Variants in ZNF786 observed in about 807,000 individuals in gnomAD.
ZNF786 encodes the protein zinc finger protein 786.
A neutral mutation model predicts 63.1 loss-of-function variants in ZNF786; 56 were observed. That is an observed-to-expected ratio of 0.89 (90% CI 0.72 to 1.11). ZNF786 has a LOEUF of 1.11. Among genes scored for constraint, ZNF786 ranks in the 50% least tolerant of loss-of-function variants. The probability of loss-of-function intolerance (pLI) is 0.00; values close to 1 mark genes in which losing one functional copy is unlikely to be tolerated. For missense variants in ZNF786, 1,213 were observed against 1,041.8 expected (o/e 1.16, Z -2.26); for synonymous variants, 485 against 406.9 (o/e 1.19, Z -2.31).
chr7:149,075,655 G>GTTTTTTTTTTTTTTTT (rs1165713050), intron 2 of ZNF786, among the ~76,000 whole-genome samples: 1 of 69,454 alleles, frequency 1.4e-5, no homozygotes, highest in African/African-American at 5.9e-5. Context: ...CACACTTCAG[G>GTTTTTTTTTTTTTTTT]TTTTTTTTTT....
At chr7:149,080,545 C>T (rs755265617) in intron 2 of ZNF786, 46 bp downstream of exon 2, 2 of 1,494,934 alleles carry the variant, frequency 1.3e-6, no homozygotes, top group Admixed American at 2.5e-5. Context: ...TGACCCCTTA[C>T]AGGATCCAGT....
At chr7:149,079,005 G>A (rs763082230) in intron 2 of ZNF786, among the ~76,000 whole-genome samples, 3 of 152,164 alleles carry the variant, frequency 2.0e-5, no homozygotes, top group South Asian at 2.1e-4. Context: ...GTCTAAACTC[G>A]ATAAATCAAG....
At chr7:149,075,034 G>A (rs1825520010) in intron 2 of ZNF786, among the ~76,000 whole-genome samples, 1 of 151,872 alleles carries the variant, frequency 6.6e-6, no homozygotes. Context: ...TCACCGTGTT[G>A]CCCAGGCTGG....
intron 2 of ZNF786, among the ~76,000 whole-genome samples, chr7:149,078,685 A>C (rs1160877119): frequency 2.1e-5 from 3 of 145,432 alleles, no homozygotes; most frequent in Non-Finnish European, 4.6e-5. Context: ...ACTCCGTCTC[A>C]AAAAAAAAAA....
In ZNF786 at chr7:149,070,672, C is replaced by T. The variant is rs1825386135; in HGVS notation, c.2100G>A (p.Gly700=). ...QLLSHQGLHT[G]ERPFHCPECD... is the part of the protein sequence containing the mutation. ...ACTCAGGGCAGTGAAAAGGCCTCTC[C>T]CCTGTGTGCAGGCCCTGATGGCTGA... is the stretch of plus-strand genomic sequence containing the variant. Residue 700 remains glycine (G), a synonymous_variant, in exon 4 of 4, where the codon GGG becomes GGA. Coordinates refer to ENST00000491431, the MANE Select transcript of ZNF786 (RefSeq NM_152411.4). The T allele has an allele frequency of 6.2e-7, 1 of 1,613,822 alleles. No individual in the cohort carries two copies. The highest frequency in any genetic ancestry group is 1.3e-5 in the African/African-American group (1 of 74,946).
Position 149,070,878 on chromosome 7 carries a change from C to T in ZNF786, c.1894G>A (p.Val632Met). Reference protein sequence around the residue: ...QCPECDKRYRVKADMKAHQLL... With the variant: ...QCPECDKRYRMKADMKAHQLL... Reference sequence around the variant, plus strand: ...TGGTGGGCCTTCATGTCGGCCTTCACGCGATAGCGCTTGTCGCACTCCGGA... The same window carrying T: ...TGGTGGGCCTTCATGTCGGCCTTCATGCGATAGCGCTTGTCGCACTCCGGA... The change falls in exon 4 of 4, where the codon GTG becomes ATG. Residue 632 changes from valine to methionine, a missense_variant. Coordinates refer to ENST00000491431, the MANE Select transcript of ZNF786 (RefSeq NM_152411.4). 6.2e-7 allele frequency: 1 copy of T among 1,612,002 alleles called. No individual in the cohort carries two copies. Among genetic ancestry groups the T allele is most frequent in the South Asian group, 1.1e-5 (1 of 90,996 alleles).
Position 149,090,691 on chromosome 7 carries a change from T to A in ZNF786, c.-51A>T, listed in dbSNP as rs1444855682. ...GGCAAACCCGACCGTCTCCGGCGGC[T>A]CCGCAGGAACCTGCCCTGCTGCGCA... On this transcript the variant is annotated 5_prime_UTR_variant, in exon 1 of 4. Coordinates refer to ENST00000491431, the MANE Select transcript of ZNF786 (RefSeq NM_152411.4). 6.4e-7 allele frequency: 1 copy of A among 1,559,476 alleles called. No homozygotes were observed. The highest frequency in any genetic ancestry group is 8.7e-7 in the Non-Finnish European group (1 of 1,151,434).
chr7:149,078,996 T>C (rs1407291909), intron 2 of ZNF786, among the ~76,000 whole-genome samples: 1 of 152,216 alleles, frequency 6.6e-6, no homozygotes, highest in Non-Finnish European at 1.5e-5. Context: ...ATTAATTCTG[T>C]CTAAACTCGA....
At chr7:149,077,623 T>A (rs902600732) in intron 2 of ZNF786, among the ~76,000 whole-genome samples, 34 of 151,496 alleles carry the variant, frequency 2.2e-4, no homozygotes, top group African/African-American at 7.3e-4. Context: ...GGGAGACTCC[T>A]TCTCAAAAAT....
intron 1 of ZNF786, among the ~76,000 whole-genome samples, chr7:149,085,355 GC>G (rs201364533): frequency 0.01 from 1,558 of 152,240 alleles, 31 homozygotes; most frequent in African/African-American, 0.035. Context: ...TAAGTTGGGA[GC>G]CCAGGAGTTT....
At chr7:149,078,564 A>G (rs1313613471) in intron 2 of ZNF786, among the ~76,000 whole-genome samples, 1 of 152,016 alleles carries the variant, frequency 6.6e-6, no homozygotes, top group Non-Finnish European at 1.5e-5. Context: ...CATGCCTGTA[A>G]TCTCAGCTAC....
rs749956154 is a variant in ZNF786 at position 149,071,829 on chromosome 7, G to C, written c.943C>G (p.Arg315Gly). 1 of 1,591,476 alleles carries C rather than the reference G, an allele frequency of 6.3e-7. No homozygotes were observed. Among genetic ancestry groups the C allele is most frequent in the Non-Finnish European group, 8.5e-7 (1 of 1,173,612 alleles). ...SLPVDSTQAR[R>G]CQHSREGPAS... ...GGCCCCTCCCGGCTGTGCTGGCACC[G>C]GCGAGCCTGCGTGCTGTCCACTGGG... is the stretch of plus-strand genomic sequence containing the variant. Residue 315 changes from arginine (R) to glycine (G), a missense_variant, in exon 4 of 4, where the codon CGG (arginine) becomes GGG (glycine). By Grantham distance (125) the Arg-to-Gly change is moderately radical. Coordinates refer to ENST00000491431, the MANE Select transcript of ZNF786 (RefSeq NM_152411.4).
chr7:149,077,365 C>T (rs981955581), intron 2 of ZNF786, among the ~76,000 whole-genome samples: 4 of 152,186 alleles, frequency 2.6e-5, no homozygotes, highest in Non-Finnish European at 4.4e-5. Flanking sequence ...TGGTGACTCA[C>T]GCCTGTAATC....
chr7:149,072,060 T>C lies in ZNF786; in HGVS notation c.712A>G (p.Arg238Gly), dbSNP rs375033085. The change falls in exon 4 of 4, where the codon AGG (arginine) becomes GGG (glycine). Residue 238 changes from arginine (R) to glycine (G), a missense_variant. Transcript: ENST00000491431. ...QMPWSSPRVQRHFRCGVCGKS... is the reference protein window; with the variant it reads ...QMPWSSPRVQGHFRCGVCGKS... ...CCGCACACGCCACACCGGAAGTGCC[T>C]CTGTACCCGAGGGCTGCTCCACGGC... is the stretch of plus-strand genomic sequence containing the variant. 1.2e-6 allele frequency: 2 copies of C among 1,613,252 alleles called. No individual in the cohort carries two copies. Among genetic ancestry groups the C allele is most frequent in the Non-Finnish European group, 1.7e-6 (2 of 1,179,734 alleles).
In ZNF786 at chr7:149,070,423, T is replaced by A. The variant is rs748429968; in HGVS notation, c.2349A>T (p.Ter783CysextTer9). ...AACGCTTTGGATGTCCCACTCTGCC[T>A]CAACTCCAATCGGCCTCTATCATTG... ...LFAMIEADWS[*>C] Residue 783 changes from the stop codon to cysteine, a stop_lost, in exon 4 of 4, where the codon TGA becomes TGT. Coordinates refer to ENST00000491431, the MANE Select transcript of ZNF786 (RefSeq NM_152411.4). 3.7e-6 allele frequency: 6 copies of A among 1,611,560 alleles called. No individual in the cohort carries two copies. The highest frequency in any genetic ancestry group is 3.4e-6 in the Non-Finnish European group (4 of 1,178,094).
At chr7:149,081,893 T>C (rs1825658982) in intron 1 of ZNF786, among the ~76,000 whole-genome samples, 1 of 152,044 alleles carries the variant, frequency 6.6e-6, no homozygotes, top group African/African-American at 2.4e-5. Context: ...ATTTGACAAA[T>C]GAATTCAACA....
chr7:149,075,478 A>G (rs1283910549), intron 2 of ZNF786, among the ~76,000 whole-genome samples: 1 of 151,858 alleles, frequency 6.6e-6, no homozygotes, highest in Non-Finnish European at 1.5e-5. Flanking sequence ...CCTGGACTCA[A>G]GTAGTCTTAC....
At position 149,070,308 on chromosome 7, in the gene ZNF786, G is replaced by T. The variant is rs929529236; in HGVS notation, c.*115C>A. 7.3e-6 allele frequency: 10 copies of T among 1,372,534 alleles called. No homozygotes were observed. The African/African-American group carries it at 1.2e-4, about 16-fold the overall frequency. 85.0% of individuals were successfully genotyped at this position (1,372,534 alleles called of 1,614,324 possible). On this transcript the variant is annotated 3_prime_UTR_variant, in exon 4 of 4. Coordinates refer to ENST00000491431, the MANE Select transcript of ZNF786 (RefSeq NM_152411.4). ...TATTCCTAACTTGCATGACACTCTT[G>T]CTCAAAGAAGGATACCTGCTCCTAA...
intron 2 of ZNF786, among the ~76,000 whole-genome samples, chr7:149,076,003 A>C (rs1162198656): frequency 6.6e-6 from 1 of 151,878 alleles, no homozygotes; most frequent in Non-Finnish European, 1.5e-5. Flanking sequence ...TACACAGTTT[A>C]AGCCCCTGTA....
Sources: allele counts gnomAD v4.1 joint callset (sites outside exome capture counted in the v4.1 genomes callset), GRCh38; gene constraint gnomAD v4.1.1; transcripts MANE v1.5; gene names NCBI Gene and HGNC (gene_info 2026-07-23, HGNC 2026-07-21).